Variants in SNX29 observed in about 807,000 individuals in gnomAD.
SNX29 encodes sorting nexin-29.
SNX29 carries 78 observed loss-of-function variants against 102.1 expected under a neutral mutation model. The observed-to-expected ratio is 0.76, with a 90% CI of 0.64 to 0.92. SNX29 has a LOEUF of 0.92. Ranked by LOEUF, SNX29 falls within the 40% of genes least tolerant of loss-of-function variation. SNX29 has a pLI of 0.00. For missense variants in SNX29, 1,280 were observed against 1,061.7 expected (o/e 1.21, Z -2.86); for synonymous variants, 580 against 414.5 (o/e 1.40, Z -4.85).
chr16:12,131,031 C>T (rs1186216203), intron 13 of SNX29, among the ~76,000 whole-genome samples: 2 of 152,082 alleles, frequency 1.3e-5, no homozygotes, highest in East Asian at 3.9e-4. Flanking sequence ...AGTAGGATTG[C>T]TGGGTCAAAG....
rs531481016 is a variant in SNX29, at chr16:12,058,740, C to T, written c.1125-2788C>T. On this transcript the variant is annotated intron_variant, in intron 8 of 20. Transcript: ENST00000566228. ...AACTCCTGACCTCAGGTGATCTACC[C>T]GCCACGGCCTCCCAAAGTGTTGGGA... Among the ~76,000 whole-genome samples, 22 of 150,920 alleles carry T rather than the reference C, an allele frequency of 1.5e-4. No homozygotes were observed. The East Asian group carries it at 3.1e-3, about 21-fold the overall frequency.
intron 19 of SNX29, among the ~76,000 whole-genome samples, chr16:12,507,323 C>T (rs2089423266): frequency 6.6e-6 from 1 of 152,216 alleles, no homozygotes. Flanking sequence ...GAAGGAGAAG[C>T]TTGACTCCTG....
At chr16:12,101,422 T>C (rs2053013440) in intron 11 of SNX29, among the ~76,000 whole-genome samples, 1 of 151,452 alleles carries the variant, frequency 6.6e-6, no homozygotes, top group Non-Finnish European at 1.5e-5. Flanking sequence ...CTCGCTCTGT[T>C]GCCCAGGCTG....
intron 11 of SNX29, among the ~76,000 whole-genome samples, chr16:12,086,251 G>T (rs1195767085): frequency 1.3e-5 from 2 of 151,964 alleles, no homozygotes; most frequent in African/African-American, 4.8e-5. Context: ...TGATCTGCCC[G>T]CCTCGGCGTC....
intron 18 of SNX29, among the ~76,000 whole-genome samples, chr16:12,467,628 G>A (rs985443966): frequency 2.2e-5 from 3 of 135,502 alleles, no homozygotes; most frequent in Non-Finnish European, 4.5e-5. Flanking sequence ...TCGTTAGTTC[G>A]TTCGTTCGTT....
chr16:12,169,861 C>T lies in SNX29; in HGVS notation c.1596-29740C>T, dbSNP rs563410555. On this transcript the variant is annotated intron_variant, in intron 13 of 20. Transcript: ENST00000566228. The stretch of plus-strand genomic sequence containing the variant: ...TGGGGACCATCCAGGGTTCAACAGC[C>T]GCCTCCTGGGTTCAAGTGATTATCC... Among the ~76,000 whole-genome samples, 139 of 151,986 alleles carry T rather than the reference C, an allele frequency of 9.1e-4. 1 individual carries two copies. Among genetic ancestry groups the T allele is most frequent in the African/African-American group, 3.0e-3 (126 of 41,510 alleles).
intron 16 of SNX29, chr16:12,372,588 T>C (rs1262641575): frequency 6.6e-6 from 1 of 152,110 alleles, no homozygotes; most frequent in Non-Finnish European, 1.5e-5. Context: ...TGCACAGTAG[T>C]TGAATGAAAG....
chr16:12,452,546 G>GT (rs2086352959), intron 18 of SNX29, among the ~76,000 whole-genome samples: 1 of 152,224 alleles, frequency 6.6e-6, no homozygotes, highest in African/African-American at 2.4e-5. Context: ...GCAGGATGGG[G>GT]TGAGGGGGTG....
chr16:12,164,472 T>C (rs2055922818), intron 13 of SNX29, among the ~76,000 whole-genome samples: 1 of 152,160 alleles, frequency 6.6e-6, no homozygotes, highest in South Asian at 2.1e-4. Flanking sequence ...TTTTTGCCCC[T>C]GGCCTAGCAT....
At chr16:12,485,507 G>C (rs1170669828) in intron 19 of SNX29, among the ~76,000 whole-genome samples, 1 of 152,310 alleles carries the variant, frequency 6.6e-6, no homozygotes, top group East Asian at 1.9e-4. Flanking sequence ...ACATACACCC[G>C]TGTGTGGTAG....
rs138168573 is a variant in SNX29 at position 12,484,211 on chromosome 16, C to T, written c.2178+6352C>T. The stretch of plus-strand genomic sequence containing the variant: ...TCACCCAGGCTGGAGTGTAGCGGTG[C>T]GATCATGGCTCACTGCAGCCTCGAA... On this transcript the variant is annotated intron_variant, in intron 19 of 20. Coordinates refer to ENST00000566228, the MANE Select transcript of SNX29 (RefSeq NM_032167.5). Among the ~76,000 whole-genome samples, 137 of 152,128 alleles carry T rather than the reference C, an allele frequency of 9.0e-4. 1 individual carries two copies. The highest frequency in any genetic ancestry group is 2.9e-3 in the African/African-American group (121 of 41,494).
chr16:12,348,301 A>C (rs2081883212), intron 15 of SNX29, among the ~76,000 whole-genome samples: 1 of 152,156 alleles, frequency 6.6e-6, no homozygotes, highest in Non-Finnish European at 1.5e-5. Context: ...CACCTGAAGC[A>C]GAAACCATTT....
At chr16:12,300,756 C>G (rs748279627) in intron 15 of SNX29, among the ~76,000 whole-genome samples, 1 of 152,180 alleles carries the variant, frequency 6.6e-6, no homozygotes, top group Non-Finnish European at 1.5e-5. Context: ...CAAACTCAGC[C>G]TTGATGACAT....
rs749943760 is a variant in SNX29 at position 12,135,611 on chromosome 16, T to G, written c.1595+5853T>G. On this transcript the variant is annotated intron_variant, in intron 13 of 20. Coordinates refer to ENST00000566228, the MANE Select transcript of SNX29 (RefSeq NM_032167.5). ...ACGTGAGAACCATGTGGTGGAGAAA[T>G]GGAGGGAGAGAGAAATCAACAGTTC... 21 of 1,345,096 alleles carry G rather than the reference T, an allele frequency of 1.6e-5. 1 individual carries two copies. The South Asian group carries it at 2.2e-4, about 14-fold the overall frequency. 83.3% of individuals were successfully genotyped at this position (1,345,096 alleles called of 1,614,324 possible).
chr16:12,282,019 A>G (rs1165375623), intron 15 of SNX29, among the ~76,000 whole-genome samples: 1 of 139,854 alleles, frequency 7.2e-6, no homozygotes, highest in Non-Finnish European at 1.5e-5. Context: ...GAGAAGAGGA[A>G]GTTGCAGTGA....
intron 14 of SNX29, among the ~76,000 whole-genome samples, chr16:12,270,717 G>A (rs1043689588): frequency 1.3e-5 from 2 of 151,632 alleles, no homozygotes; most frequent in African/African-American, 2.4e-5. Context: ...CACCATCTCC[G>A]TCACTTCATG....
At chr16:12,367,860 A>G (rs943931413) in intron 16 of SNX29, among the ~76,000 whole-genome samples, 9 of 152,216 alleles carry the variant, frequency 5.9e-5, no homozygotes, top group Non-Finnish European at 1.3e-4. Context: ...AGGGGCTACT[A>G]AAAATATATC....
At chr16:12,429,907 C>G (rs948089938) in intron 18 of SNX29, among the ~76,000 whole-genome samples, 3 of 152,202 alleles carry the variant, frequency 2.0e-5, no homozygotes, top group Non-Finnish European at 4.4e-5. Flanking sequence ...TTCTTGCTCT[C>G]TGACCACAGG....
At chr16:12,381,224 ACC>A (rs1170335368) in intron 16 of SNX29, among the ~76,000 whole-genome samples, 4 of 21,020 alleles carry the variant, frequency 1.9e-4, no homozygotes, top group African/African-American at 3.4e-4. Context: ...CCACCCACCC[ACC>A]CCTCATCCAT....
Sources: allele counts gnomAD v4.1 joint callset (sites outside exome capture counted in the v4.1 genomes callset), GRCh38; gene constraint gnomAD v4.1.1; transcripts MANE v1.5; gene names NCBI Gene and HGNC (gene_info 2026-07-23, HGNC 2026-07-21).